Variants in STX8 observed in about 807,000 individuals in gnomAD.
STX8 encodes the protein syntaxin-8.
A neutral mutation model predicts 37.5 loss-of-function variants in STX8; 23 were observed. The observed-to-expected ratio is 0.61, with a 90% CI of 0.44 to 0.87. The LOEUF (loss-of-function observed/expected upper bound fraction) is 0.87, where lower values mean the gene tolerates loss of function less well. STX8 is among the 40% of genes least tolerant of loss of function. STX8 has a pLI of 0.00. For missense variants in STX8, 313 were observed against 284.7 expected (o/e 1.10, Z -0.71); for synonymous variants, 115 against 99.1 (o/e 1.16, Z -0.95).
At chr17:9,281,481 G>A (rs889418975) in intron 7 of STX8, among the ~76,000 whole-genome samples, 2 of 150,548 alleles carry the variant, frequency 1.3e-5, no homozygotes, top group Non-Finnish European at 3.0e-5. Context: ...TTGACAGCAC[G>A]ATATTTGGTT....
chr17:9,558,246 T>A (rs1432917677), intron 2 of STX8, among the ~76,000 whole-genome samples: 1 of 152,186 alleles, frequency 6.6e-6, no homozygotes, highest in African/African-American at 2.4e-5. Flanking sequence ...CAACCACGGA[T>A]GAAATCAGAC....
At chr17:9,477,329 G>C (rs941315149) in intron 6 of STX8, among the ~76,000 whole-genome samples, 1 of 152,108 alleles carries the variant, frequency 6.6e-6, no homozygotes, top group African/African-American at 2.4e-5. Flanking sequence ...ATATAATTCA[G>C]CCCATAGCAG....
intron 7 of STX8, among the ~76,000 whole-genome samples, chr17:9,340,854 T>C (rs1230621830): frequency 1.3e-5 from 2 of 150,146 alleles, no homozygotes; most frequent in Admixed American, 1.3e-4. Flanking sequence ...ACGGGGTTTC[T>C]CCATGTTGGT....
At chr17:9,449,417 G>A (rs555975193) in intron 6 of STX8, among the ~76,000 whole-genome samples, 8 of 152,138 alleles carry the variant, frequency 5.3e-5, no homozygotes, top group African/African-American at 9.7e-5. Flanking sequence ...AAAATTAGCC[G>A]GACATGGCGG....
intron 4 of STX8, among the ~76,000 whole-genome samples, chr17:9,544,501 A>G (rs889781013): frequency 1.3e-5 from 2 of 151,976 alleles, no homozygotes; most frequent in African/African-American, 2.4e-5. Context: ...CAATATGCCA[A>G]TTAAAAAAAA....
At chr17:9,396,468 AG>A (rs1490271780) in intron 6 of STX8, among the ~76,000 whole-genome samples, 1 of 151,736 alleles carries the variant, frequency 6.6e-6, no homozygotes, top group Non-Finnish European at 1.5e-5. Context: ...GGGTCATCTG[AG>A]GTCAGCTGAG....
Position 9,250,632 on chromosome 17 carries a change from C to T in STX8, c.657G>A (p.Val219=). The T allele has an allele frequency of 6.3e-7, 1 of 1,598,634 alleles. No homozygotes were observed. Among genetic ancestry groups the T allele is most frequent in the Non-Finnish European group, 8.5e-7 (1 of 1,172,624 alleles). ...CGATAGCCACAAGCAGCAGTAAAAT[C>T]ACCATGATCATCCCTGGAAAAAAGC... ...RKSASCGMIM[V]ILLLLVAIVV... Residue 219 remains valine, a synonymous_variant, in exon 8 of 8, where the codon GTG becomes GTA. Transcript: ENST00000306357.
chr17:9,528,941 G>A (rs576595188), intron 4 of STX8, among the ~76,000 whole-genome samples: 59 of 151,994 alleles, frequency 3.9e-4, no homozygotes, highest in African/African-American at 1.4e-3. Flanking sequence ...GAGAGAGAAA[G>A]AAACAAGAAT....
chr17:9,490,223 T>G (rs1404733120), intron 6 of STX8, among the ~76,000 whole-genome samples: 2 of 152,116 alleles, frequency 1.3e-5, no homozygotes, highest in Non-Finnish European at 2.9e-5. Flanking sequence ...TTATGACAGA[T>G]AAATGGAACA....
At chr17:9,563,152 CATTTATTT>C (rs55853449) in intron 2 of STX8, among the ~76,000 whole-genome samples, 1,458 of 142,046 alleles carry the variant, frequency 0.01, 8 homozygotes, top group Middle Eastern at 0.025. Flanking sequence ...TTCATTCATC[CATTTATTT>C]ATTTATTTAT....
intron 7 of STX8, among the ~76,000 whole-genome samples, chr17:9,345,855 T>TTTTTTTTTTTC: frequency 8.2e-6 from 1 of 121,928 alleles, no homozygotes; most frequent in Non-Finnish European, 1.7e-5. Context: ...TTCCTTTTTT[T>TTTTTTTTTTTC]TTTTTTTTTT....
intron 7 of STX8, among the ~76,000 whole-genome samples, chr17:9,297,278 A>G (rs1158552879): frequency 6.6e-6 from 1 of 151,928 alleles, no homozygotes; most frequent in Non-Finnish European, 1.5e-5. Context: ...GAAAAAGTGA[A>G]TCCTGCTCCT....
At chr17:9,271,429 G>A (rs1907454081) in intron 7 of STX8, among the ~76,000 whole-genome samples, 2 of 152,016 alleles carry the variant, frequency 1.3e-5, no homozygotes, top group South Asian at 4.1e-4. Context: ...CTCTAGCCTG[G>A]GTGACAGAGT....
At chr17:9,547,246 C>CAAAAAAAA (rs11300957) in intron 3 of STX8, 7 of 129,648 alleles carry the variant, frequency 5.4e-5, no homozygotes, top group African/African-American at 2.1e-4. Flanking sequence ...GACTCTGTCT[C>CAAAAAAAA]AAAAAAAAAA....
chr17:9,285,412 A>G (rs1323169797), intron 7 of STX8, among the ~76,000 whole-genome samples: 1 of 137,930 alleles, frequency 7.3e-6, no homozygotes, highest in East Asian at 2.0e-4. Flanking sequence ...CAAAGTAGTG[A>G]TAAAAAAAAA....
rs757411419 is a variant in STX8, at chr17:9,471,031, C to CTTTTT, written c.541+20793_541+20797dup. ...TACAGGCGTGAGCCACTGCATCCTG[C>CTTTTT]TTTTTTTTTTTTTTTTTTTTTTTGA... On this transcript the variant is annotated intron_variant, in intron 6 of 7. Coordinates refer to ENST00000306357, the MANE Select transcript of STX8 (RefSeq NM_004853.3). Among the ~76,000 whole-genome samples the CTTTTT allele has an allele frequency of 4.0e-3, 133 of 33,052 alleles. 32 individuals are homozygous for CTTTTT. Among genetic ancestry groups the CTTTTT allele is most frequent in the African/African-American group, 0.012 (113 of 9,058 alleles). The allele number at this position is 33,052 out of a possible 152,430, so 21.7% of individuals were successfully genotyped here.
chr17:9,391,495 G>A (rs1912217253), intron 6 of STX8, among the ~76,000 whole-genome samples: 4 of 151,624 alleles, frequency 2.6e-5, no homozygotes, highest in Admixed American at 2.6e-4. Context: ...CGCTCTGGGG[G>A]GAAAAGGTAC....
intron 6 of STX8, among the ~76,000 whole-genome samples, chr17:9,402,563 G>A (rs1013300698): frequency 1.7e-4 from 26 of 152,064 alleles, no homozygotes; most frequent in East Asian, 3.8e-4. Flanking sequence ...AGGTAGGGGC[G>A]TCCCACTCAT....
intron 6 of STX8, among the ~76,000 whole-genome samples, chr17:9,455,596 G>A (rs1229540506): frequency 6.6e-6 from 1 of 152,048 alleles, no homozygotes; most frequent in Non-Finnish European, 1.5e-5. Context: ...AAATATTTTG[G>A]TATCTTGGTG....
Sources: allele counts gnomAD v4.1 joint callset (sites outside exome capture counted in the v4.1 genomes callset), GRCh38; gene constraint gnomAD v4.1.1; transcripts MANE v1.5; gene names NCBI Gene and HGNC (gene_info 2026-07-23, HGNC 2026-07-21).